The following EYS variants were observed in gnomAD, a reference collection of about 807,000 sequenced individuals.
EYS encodes the protein EGF-like photoreceptor maintenance factor, also known as protein eyes shut homolog.
A neutral mutation model predicts 282.1 loss-of-function variants in EYS; 250 were observed. That is an observed-to-expected ratio of 0.89 (90% CI 0.80 to 0.98). The LOEUF (loss-of-function observed/expected upper bound fraction) is 0.98, where lower values mean the gene tolerates loss of function less well. Ranked by LOEUF, EYS falls within the 50% of genes least tolerant of loss-of-function variation. The pLI, the probability that EYS is intolerant of heterozygous loss-of-function variation, is 0.00. For synonymous variants in EYS, 1,355 were observed against 1,282.9 expected (o/e 1.06, Z -1.20); for missense variants, 4,016 against 3,709.0 (o/e 1.08, Z -2.15).
At chr6:64,012,009 C>CTCCTCTCCTCTCCTT (rs1562149591) in intron 33 of EYS, among the ~76,000 whole-genome samples, 1 of 150,536 alleles carries the variant, frequency 6.6e-6, no homozygotes, top group African/African-American at 2.4e-5. Context: ...CTCCTCTCCT[C>CTCCTCTCCTCTCCTT]TCCTCTCCTC....
At chr6:64,079,458 T>C (rs1214712738) in intron 32 of EYS, among the ~76,000 whole-genome samples, 1 of 152,162 alleles carries the variant, frequency 6.6e-6, no homozygotes, top group African/African-American at 2.4e-5. Flanking sequence ...ATGTATTTTG[T>C]TTAGAAAGTG....
intron 2 of EYS, among the ~76,000 whole-genome samples, chr6:65,626,479 T>A (rs1253652584): frequency 6.6e-6 from 1 of 152,172 alleles, no homozygotes; most frequent in Non-Finnish European, 1.5e-5. Flanking sequence ...ACATGATCCC[T>A]CTGATAAGGG....
In EYS at chr6:63,755,222, T is replaced by C. The variant is rs1027686796; in HGVS notation, c.8071+7239A>G. On this transcript the variant is annotated intron_variant, in intron 41 of 42. Transcript: ENST00000503581. ...AGATCCCACTTGTCAATTTTGGCTTTTGTTGCCATTGCTTTTGGTGTTTTA... is the reference window on the plus strand; with the variant it reads ...AGATCCCACTTGTCAATTTTGGCTTCTGTTGCCATTGCTTTTGGTGTTTTA... Among the ~76,000 whole-genome samples the C allele has an allele frequency of 1.2e-4, 18 of 152,206 alleles. 1 individual carries two copies. Among genetic ancestry groups the C allele is most frequent in the Admixed American group, 4.6e-4 (7 of 15,276 alleles).
chr6:65,101,173 G>T (rs146290535), intron 12 of EYS, among the ~76,000 whole-genome samples: 5 of 151,124 alleles, frequency 3.3e-5, no homozygotes, highest in African/African-American at 1.2e-4. Flanking sequence ...GAACTTAATA[G>T]CTTAATTTCC....
At chr6:64,955,041 A>G (rs9453129) in intron 14 of EYS, among the ~76,000 whole-genome samples, 335 of 152,056 alleles carry the variant, frequency 2.2e-3, no homozygotes, top group African/African-American at 7.7e-3. Flanking sequence ...TTAGCCGGGC[A>G]TGGTGGCAGG....
chr6:64,517,827 C>T (rs937505032), intron 26 of EYS, among the ~76,000 whole-genome samples: 6 of 151,836 alleles, frequency 4.0e-5, no homozygotes, highest in African/African-American at 1.4e-4. Flanking sequence ...CTCAAAACTT[C>T]CCCAGAAAAG....
chr6:64,113,677 G>T (rs80325557), intron 31 of EYS, among the ~76,000 whole-genome samples: 6,423 of 152,182 alleles, frequency 0.042, 400 homozygotes, highest in African/African-American at 0.14. Flanking sequence ...TTTTCTGAAT[G>T]GAGTTAGTTT....
chr6:63,994,663 GAAGGT>G (rs1767753510), intron 34 of EYS, among the ~76,000 whole-genome samples: 1 of 151,878 alleles, frequency 6.6e-6, no homozygotes, highest in South Asian at 2.1e-4. Context: ...CTATTTTCAA[GAAGGT>G]AACCCCTACT....
chr6:64,411,918 C>CATTCATATATGTATATATGTTTATAT (rs1773906315), intron 28 of EYS, among the ~76,000 whole-genome samples: 1 of 150,866 alleles, frequency 6.6e-6, no homozygotes, highest in African/African-American at 2.4e-5. Context: ...TTTATATATG[C>CATTCATATATGTATATATGTTTATAT]ATGCATGTAT....
intron 30 of EYS, among the ~76,000 whole-genome samples, chr6:64,291,617 T>G (rs2150365906): frequency 6.6e-6 from 1 of 152,154 alleles, no homozygotes; most frequent in South Asian, 2.1e-4. Flanking sequence ...AGTTAAAAAC[T>G]TATGCAAAAT....
At chr6:64,037,953 T>C (rs1770199013) in intron 33 of EYS, among the ~76,000 whole-genome samples, 1 of 152,204 alleles carries the variant, frequency 6.6e-6, no homozygotes. Context: ...AGGCACTGGG[T>C]AAAGTTTCAA....
At chr6:64,281,080 T>C (rs1015001422) in intron 30 of EYS, among the ~76,000 whole-genome samples, 15 of 152,242 alleles carry the variant, frequency 9.9e-5, no homozygotes, top group Admixed American at 9.8e-4. Context: ...ATGGAATTAT[T>C]TAAAGCATTC....
At chr6:64,626,841 G>T (rs551274359) in intron 22 of EYS, among the ~76,000 whole-genome samples, 1 of 152,248 alleles carries the variant, frequency 6.6e-6, no homozygotes, top group South Asian at 2.1e-4. Flanking sequence ...TTATGTTATT[G>T]CATGTATCTG....
intron 14 of EYS, among the ~76,000 whole-genome samples, chr6:64,975,137 T>C (rs540090393): frequency 5.5e-4 from 84 of 151,970 alleles, no homozygotes; most frequent in South Asian, 1.9e-3. Flanking sequence ...GCTGCACACA[T>C]TTTTAAAATC....
chr6:65,091,743 C>T (rs933423111), intron 12 of EYS, among the ~76,000 whole-genome samples: 6 of 152,146 alleles, frequency 3.9e-5, no homozygotes, highest in South Asian at 2.1e-4. Flanking sequence ...CACGACACAG[C>T]GGGTTTGGAG....
chr6:64,704,319 T>C (rs911769404), intron 22 of EYS, among the ~76,000 whole-genome samples: 10 of 147,222 alleles, frequency 6.8e-5, no homozygotes, highest in Admixed American at 1.4e-4. Flanking sequence ...GTATGTACTA[T>C]ATATAAATAT....
chr6:64,312,183 G>T (rs112733116), intron 29 of EYS, among the ~76,000 whole-genome samples: 1,999 of 152,076 alleles, frequency 0.013, 44 homozygotes, highest in African/African-American at 0.045. Context: ...GGATGCTCGA[G>T]CTTGGTGGGG....
At chr6:65,204,146 A>C (rs544960351) in intron 12 of EYS, among the ~76,000 whole-genome samples, 1 of 152,224 alleles carries the variant, frequency 6.6e-6, no homozygotes, top group Non-Finnish European at 1.5e-5. Flanking sequence ...TTGAGAAAAT[A>C]ATTGAGGAAA....
chr6:63,748,713 G>T (rs1462375037), intron 41 of EYS, among the ~76,000 whole-genome samples: 7 of 151,966 alleles, frequency 4.6e-5, no homozygotes, highest in Non-Finnish European at 1.0e-4. Context: ...GTTCAGTCTT[G>T]GGTGGGTGTA....
Sources: allele counts gnomAD v4.1 joint callset (sites outside exome capture counted in the v4.1 genomes callset), GRCh38; gene constraint gnomAD v4.1.1; transcripts MANE v1.5; gene names NCBI Gene and HGNC (gene_info 2026-07-23, HGNC 2026-07-21).